Variants in CATSPER1 observed in about 807,000 individuals in gnomAD.
CATSPER1 encodes the protein cation channel sperm-associated protein 1.
Under a neutral mutation model 72.7 loss-of-function variants are expected in CATSPER1, and 57 were observed. The observed-to-expected ratio is 0.78, with a 90% CI of 0.63 to 0.98. The LOEUF is 0.98. Among genes scored for constraint, CATSPER1 ranks in the 50% least tolerant of loss-of-function variants. The pLI, the probability that CATSPER1 is intolerant of heterozygous loss-of-function variation, is 0.00. For missense variants in CATSPER1, 910 were observed against 1,033.9 expected (o/e 0.88, Z 1.64); for synonymous variants, 363 against 403.0 (o/e 0.90, Z 1.19).
In CATSPER1 at chr11:66,019,007, C is replaced by T. The variant is rs1856298299; in HGVS notation, c.2126-105G>A. On this transcript the variant is annotated intron_variant, in intron 9 of 11. Transcript: ENST00000312106. ...AGGGCTAATGGAGTTTCTGGCCAGG[C>T]TGCTCCAGGAGGTTGCTTCTCCGGG... 1.4e-5 allele frequency: 14 copies of T among 971,164 alleles called. No homozygotes were observed. The South Asian group carries it at 1.5e-4, about 10-fold the overall frequency. The allele number at this position is 971,164 out of a possible 1,614,324, so 60.2% of individuals were successfully genotyped here.
chr11:66,020,729 A>T lies in CATSPER1; in HGVS notation c.1927+82T>A. On this transcript the variant is annotated intron_variant, in intron 6 of 11. Coordinates refer to ENST00000312106, the MANE Select transcript of CATSPER1 (RefSeq NM_053054.4). This position sits in a 1 kb window ranked among gnomAD's most constrained non-coding sequence, Gnocchi z 4.5. The stretch of plus-strand genomic sequence containing the variant: ...CGGACATGCAGGCATCAGAAGCCCC[A>T]CTTTGCCGATGGGGTCACTGAGCCC... 1 of 1,605,154 alleles carries T rather than the reference A, an allele frequency of 6.2e-7. No individual in the cohort carries two copies. Among genetic ancestry groups the T allele is most frequent in the South Asian group, 1.1e-5 (1 of 90,556 alleles).
In CATSPER1 at chr11:66,026,272, G is replaced by A; in HGVS notation, c.108C>T (p.His36=). The A allele has an allele frequency of 6.2e-7, 1 of 1,614,232 alleles. No homozygotes were observed. The highest frequency in any genetic ancestry group is 8.5e-7 in the Non-Finnish European group (1 of 1,180,034). Reference sequence around the variant, plus strand: ...ACTCGTAATGGTGGAGAGCTCTGCTGTGGCCTGGCCTGTGGTGTGGGGGTG... The same window carrying A: ...ACTCGTAATGGTGGAGAGCTCTGCTATGGCCTGGCCTGTGGTGTGGGGGTG... The part of the protein sequence containing the change: ...HSSPPHHRPG[H]SRALHHYELH... Residue 36 remains histidine (H), a synonymous_variant, in exon 1 of 12, where the codon CAC becomes CAT. Coordinates refer to ENST00000312106, the MANE Select transcript of CATSPER1 (RefSeq NM_053054.4).
chr11:66,017,732 G>A (rs942789049), intron 10 of CATSPER1, among the ~76,000 whole-genome samples: 1 of 152,228 alleles, frequency 6.6e-6, no homozygotes, highest in Non-Finnish European at 1.5e-5. Flanking sequence ...AACACAGCAA[G>A]GTACTCCGAG....
At chr11:66,024,859 C>G (rs867150805) in intron 1 of CATSPER1, among the ~76,000 whole-genome samples, 1 of 152,186 alleles carries the variant, frequency 6.6e-6, no homozygotes, top group Non-Finnish European at 1.5e-5. Context: ...TGAATTTTTC[C>G]CCATGCTGCC....
rs1435433291 is a variant in CATSPER1, at chr11:66,020,522, G to A, written c.1991+42C>T. On this transcript the variant is annotated intron_variant, in intron 7 of 11. Coordinates refer to ENST00000312106, the MANE Select transcript of CATSPER1 (RefSeq NM_053054.4). This position sits in a 1 kb window ranked among gnomAD's most constrained non-coding sequence, Gnocchi z 4.5. ...TAAGGGTCCCAGGGGAGAGGAGGAA[G>A]TGTGGGTGGTGCTGGGCAGCAGAGC... The A allele has an allele frequency of 6.3e-7, 1 of 1,598,840 alleles. No individual in the cohort carries two copies. The highest frequency in any genetic ancestry group is 1.3e-5 in the African/African-American group (1 of 74,612).
In CATSPER1 at chr11:66,020,922, G is replaced by A. The variant is rs1426416348; in HGVS notation, c.1816C>T (p.Arg606Cys). The A allele has an allele frequency of 8.7e-6, 14 of 1,614,044 alleles. No homozygotes were observed. Among genetic ancestry groups the A allele is most frequent in the Admixed American group, 1.7e-5 (1 of 60,032 alleles). Residue 606 changes from arginine to cysteine, a missense_variant, in exon 6 of 12, where the codon CGC becomes TGC. Physicochemically the swap from Arg to Cys is radical, Grantham distance 180 (BLOSUM62 -3). Transcript: ENST00000312106. This position sits in a 1 kb window ranked among gnomAD's most constrained non-coding sequence, Gnocchi z 4.5. ...TGGAAGCGCTTGGGGTCAGATTTGCGGAACAGTGCCCGGAGGACCGCGGAG... is the reference window on the plus strand; with the variant it reads ...TGGAAGCGCTTGGGGTCAGATTTGCAGAACAGTGCCCGGAGGACCGCGGAG... ...LFSAVLRALF[R>C]KSDPKRFQNI... is the part of the protein sequence containing the mutation.
chr11:66,020,685 C>A lies in CATSPER1; in HGVS notation c.1928-58G>T. On this transcript the variant is annotated intron_variant, in intron 6 of 11. Coordinates refer to ENST00000312106, the MANE Select transcript of CATSPER1 (RefSeq NM_053054.4). This position sits in a 1 kb window ranked among gnomAD's most constrained non-coding sequence, Gnocchi z 4.5. ...CTGTGCTCGCCACCCCCAACCACGA[C>A]CTGCTCCCTTCCCATACCCGGACAT... The A allele has an allele frequency of 6.3e-7, 1 of 1,596,680 alleles. No individual in the cohort carries two copies. Among genetic ancestry groups the A allele is most frequent in the Non-Finnish European group, 8.6e-7 (1 of 1,167,274 alleles).
At chr11:66,024,347 G>A (rs549522506) in intron 1 of CATSPER1, among the ~76,000 whole-genome samples, 1 of 146,752 alleles carries the variant, frequency 6.8e-6, no homozygotes, top group African/African-American at 2.5e-5. Context: ...GCACGATCTC[G>A]GCTCACTGCA....
intron 2 of CATSPER1, among the ~76,000 whole-genome samples, chr11:66,022,570 G>GC (rs1856397671): frequency 6.6e-6 from 1 of 152,188 alleles, no homozygotes; most frequent in African/African-American, 2.4e-5. Context: ...GGCTCCAGGC[G>GC]CCCGCCCGCC....
In CATSPER1 at chr11:66,021,889, C is replaced by A; in HGVS notation, c.1430-10G>T. On this transcript the variant is annotated splice_polypyrimidine_tract_variant and intron_variant, in intron 2 of 11. Coordinates refer to ENST00000312106, the MANE Select transcript of CATSPER1 (RefSeq NM_053054.4). ...GCCATGAAGTACCACTCTGCAGGAA[C>A]ACAGGGGTGCACTCAGAGCTGTCCC... The A allele has an allele frequency of 6.3e-6, 10 of 1,595,266 alleles. No individual in the cohort carries two copies. Among genetic ancestry groups the A allele is most frequent in the Non-Finnish European group, 8.6e-6 (10 of 1,163,220 alleles).
rs987340690 is a variant in CATSPER1, at chr11:66,016,839, A to G, written c.*51T>C. 1 of 1,595,388 alleles carries G rather than the reference A, an allele frequency of 6.3e-7. No homozygotes were observed. The highest frequency in any genetic ancestry group is 1.1e-5 in the South Asian group (1 of 88,372). On this transcript the variant is annotated 3_prime_UTR_variant, in exon 12 of 12. Transcript: ENST00000312106. ...TCTGGGGACCCGTCCCAGTGCACCCAGGTGGGCAGACTGCCAGGGGCTGAA... is the reference window on the plus strand; with the variant it reads ...TCTGGGGACCCGTCCCAGTGCACCCGGGTGGGCAGACTGCCAGGGGCTGAA...
Position 66,020,814 on chromosome 11 carries a change from G to A in CATSPER1, c.1924C>T (p.Gln642Ter). ...TGCAGCCTGGGGCCTGCCCTACCCTGGGCACGGCTGTCCATGTAGATGAGG... is the reference window on the plus strand; with the variant it reads ...TGCAGCCTGGGGCCTGCCCTACCCTAGGCACGGCTGTCCATGTAGATGAGG... ...WSLIYMDSRA[Q>*]GAWYIIPILV... is the part of the protein sequence containing the mutation. Residue 642 changes from glutamine (Q) to a stop codon, truncating the protein, a stop_gained, in exon 6 of 12, where the codon CAG becomes TAG. Transcript: ENST00000312106. LOFTEE classifies it high-confidence loss of function. The surrounding 1 kb of genome is among the most constrained non-coding windows in gnomAD (Gnocchi z 4.5). 2 of 1,613,712 alleles carry A rather than the reference G, an allele frequency of 1.2e-6. No homozygotes were observed. The highest frequency in any genetic ancestry group is 8.5e-7 in the Non-Finnish European group (1 of 1,179,986).
chr11:66,025,497 G>T lies in CATSPER1; in HGVS notation c.883C>A (p.Arg295=), dbSNP rs150803613. 1.2e-6 allele frequency: 2 copies of T among 1,607,976 alleles called. No individual in the cohort carries two copies. The highest frequency in any genetic ancestry group is 2.2e-5 in the East Asian group (1 of 44,762). The change falls in exon 1 of 12, where the codon CGG becomes AGG. Residue 295 remains arginine (R), a synonymous_variant. Transcript: ENST00000312106. ...HTQHHYHQTH[R]HRDYHQHQDH... Reference sequence around the variant, plus strand: ...TGGTGCTGATGGTAGTCTCGGTGCCGGTGGGTCTGGTGGTAGTGGTGCTGT... The same window carrying T: ...TGGTGCTGATGGTAGTCTCGGTGCCTGTGGGTCTGGTGGTAGTGGTGCTGT...
Position 66,021,577 on chromosome 11 carries a change from T to C in CATSPER1, c.1610A>G (p.Tyr537Cys), listed in dbSNP as rs1856370517. ...LLMQTHSFAI[Y>C]HQSLFRILKV... ...GAGGATCCGGAAGAGGCTTTGGTGGTAGATGGCGAAGGAGTGGGTCTGCAT... is the reference window on the plus strand; with the variant it reads ...GAGGATCCGGAAGAGGCTTTGGTGGCAGATGGCGAAGGAGTGGGTCTGCAT... Residue 537 changes from tyrosine (Y) to cysteine (C), a missense_variant, in exon 4 of 12, where the codon TAC (tyrosine) becomes TGC (cysteine). Physicochemically the swap from Tyr to Cys is radical, Grantham distance 194. Transcript: ENST00000312106. 1.9e-6 allele frequency: 3 copies of C among 1,613,108 alleles called. No homozygotes were observed. The highest frequency in any genetic ancestry group is 1.7e-6 in the Non-Finnish European group (2 of 1,179,660).
rs1232936257 is a variant in CATSPER1 at position 66,022,956 on chromosome 11, C to T, written c.1322G>A (p.Arg441Gln). The T allele has an allele frequency of 6.2e-7, 1 of 1,614,100 alleles. No individual in the cohort carries two copies. Among genetic ancestry groups the T allele is most frequent in the Non-Finnish European group, 8.5e-7 (1 of 1,180,056 alleles). The change falls in exon 2 of 12, where the codon CGG becomes CAG. Residue 441 changes from arginine (R) to glutamine (Q), a missense_variant. Physicochemically the swap from Arg to Gln is conservative, Grantham distance 43. Transcript: ENST00000312106. The part of the protein sequence containing the change: ...FLIQGFREMI[R>Q]NLTQSLAFET... Reference sequence around the variant, plus strand: ...AAAGGCCAAGGATTGGGTCAGGTTCCGGATCATTTCCCGGAAGCCCTGAAT... The same window carrying T: ...AAAGGCCAAGGATTGGGTCAGGTTCTGGATCATTTCCCGGAAGCCCTGAAT...
Position 66,017,194 on chromosome 11 carries a change from T to TGGGGGGGGGGGGGGGGGGGGGCCCC in CATSPER1, c.2202-21_2202-20insGGGGCCCCCCCCCCCCCCCCCCCCC. ...TGCTGCCTGCGGGTGGGCGGGGGGG[T>TGGGGGGGGGGGGGGGGGGGGGCCCC]CGCAGAGACAGGGGCTGGGCTGACC... is the stretch of plus-strand genomic sequence containing the variant. On this transcript the variant is annotated intron_variant, in intron 10 of 11. Coordinates refer to ENST00000312106, the MANE Select transcript of CATSPER1 (RefSeq NM_053054.4). 3.6e-6 allele frequency: 2 copies of TGGGGGGGGGGGGGGGGGGGGGCCCC among 550,250 alleles called. No individual in the cohort carries two copies. Among genetic ancestry groups the TGGGGGGGGGGGGGGGGGGGGGCCCC allele is most frequent in the Non-Finnish European group, 6.8e-6 (2 of 295,830 alleles). The allele number at this position is 550,250 out of a possible 1,614,324, so 34.1% of individuals were successfully genotyped here.
chr11:66,026,084 G>A lies in CATSPER1; in HGVS notation c.296C>T (p.Ala99Val). The change falls in exon 1 of 12, where the codon GCT (alanine) becomes GTT (valine). Residue 99 changes from alanine (A) to valine (V), a missense_variant. By Grantham distance (64) the Ala-to-Val change is moderately conservative. Coordinates refer to ENST00000312106, the MANE Select transcript of CATSPER1 (RefSeq NM_053054.4). ...GGAGGGGACGGCGCCTTGAGAGGGA[G>A]CCAGACCAAAGCCTGTGGGGCCATG... is the stretch of plus-strand genomic sequence containing the variant. ...RAHGPTGFGL[A>V]PSQGAVPSHR... is the part of the protein sequence containing the mutation. 1 of 1,613,350 alleles carries A rather than the reference G, an allele frequency of 6.2e-7. No individual in the cohort carries two copies. The highest frequency in any genetic ancestry group is 1.3e-5 in the African/African-American group (1 of 74,932).
intron 10 of CATSPER1, among the ~76,000 whole-genome samples, chr11:66,017,845 C>T (rs1376421743): frequency 3.9e-5 from 6 of 152,184 alleles, no homozygotes; most frequent in Admixed American, 2.0e-4. Context: ...AGGGAAACCT[C>T]GCCTGATGCT....
At chr11:66,021,289 G>A in intron 4 of CATSPER1, 104 bp from the exon 5 acceptor site, 1 of 1,285,368 alleles carries the variant, frequency 7.8e-7, no homozygotes, top group Non-Finnish European at 1.1e-6. Context: ...CTCCTGACTT[G>A]TTGGTGACTT....
Sources: gnomAD v4.1 joint callset for allele counts (sites outside exome capture counted in the v4.1 genomes callset) on GRCh38, gnomAD v4.1.1 for gene constraint, Gnocchi (gnomAD v3.1) non-coding constraint, MANE v1.5 for transcripts, NCBI Gene and HGNC (gene_info 2026-07-23, HGNC 2026-07-21) for gene names.